LARGE1: variants seen among roughly 807,000 people sequenced by gnomAD.
The protein encoded by LARGE1 is LARGE xylosyl- and glucuronyltransferase 1.
LARGE1 carries 43 observed loss-of-function variants against 87.6 expected under a neutral mutation model. The ratio of observed to expected loss-of-function variants is 0.49; its 90% CI spans 0.38 to 0.63. The LOEUF (loss-of-function observed/expected upper bound fraction) is 0.63, where lower values mean the gene tolerates loss of function less well. Among genes scored for constraint, LARGE1 ranks in the 30% least tolerant of loss-of-function variants. The pLI, the probability that LARGE1 is intolerant of heterozygous loss-of-function variation, is 0.00. For missense variants in LARGE1, 802 were observed against 1,000.2 expected (o/e 0.80, Z 2.67); for synonymous variants, 434 against 394.6 (o/e 1.10, Z -1.18).
At chr22:33,523,902 T>A (rs1308821505) in intron 6 of LARGE1, among the ~76,000 whole-genome samples, 1 of 152,182 alleles carries the variant, frequency 6.6e-6, no homozygotes, top group Non-Finnish European at 1.5e-5. Flanking sequence ...TATAGTTCTA[T>A]GCCATTTTAT....
chr22:33,634,678 A>AATAATT (rs1366743471), intron 3 of LARGE1, among the ~76,000 whole-genome samples: 1 of 130,188 alleles, frequency 7.7e-6, no homozygotes, highest in Admixed American at 6.9e-5. Flanking sequence ...ATTTCAAAAT[A>AATAATT]ATAATAATAA....
In LARGE1 at chr22:33,404,107, A is replaced by G. The variant is rs78334631; in HGVS notation, c.893-19803T>C. Among the ~76,000 whole-genome samples, 54 of 152,344 alleles carry G rather than the reference A, an allele frequency of 3.5e-4. No individual in the cohort carries two copies. In the East Asian group the frequency reaches 0.01, roughly 29 times the overall value. On this transcript the variant is annotated intron_variant, in intron 7 of 14. Coordinates refer to ENST00000397394, the MANE Select transcript of LARGE1 (RefSeq NM_133642.5). Reference sequence around the variant, plus strand: ...TTAAACATATAGTCTATTGTATGATAAGAACAAAGCAGGGAGGGGAGATAA... The same window carrying G: ...TTAAACATATAGTCTATTGTATGATGAGAACAAAGCAGGGAGGGGAGATAA...
chr22:33,148,317 A>T, the LARGE1 span, among the ~76,000 whole-genome samples: 2 of 152,244 alleles, frequency 1.3e-5, no homozygotes, highest in South Asian at 2.1e-4. Context: ...TGTATTATAA[A>T]TGGAATACTA....
intron 11 of LARGE1, among the ~76,000 whole-genome samples, chr22:33,172,628 T>C (rs1003567280): frequency 7.2e-5 from 11 of 152,154 alleles, no homozygotes; most frequent in Middle Eastern, 3.2e-3. Flanking sequence ...CTAATTACTC[T>C]AGTATATTTC....
intron 1 of LARGE1, among the ~76,000 whole-genome samples, chr22:33,799,978 A>T (rs2086109058): frequency 6.6e-6 from 1 of 152,206 alleles, no homozygotes; most frequent in Non-Finnish European, 1.5e-5. Flanking sequence ...AATAGGGAAG[A>T]AGAAGATCCT....
chr22:33,351,656 C>T (rs866214126), intron 9 of LARGE1, among the ~76,000 whole-genome samples: 1 of 151,996 alleles, frequency 6.6e-6, no homozygotes, highest in Non-Finnish European at 1.5e-5. Context: ...ACTACTACCC[C>T]CTTTGCGAGG....
intron 2 of LARGE1, among the ~76,000 whole-genome samples, chr22:33,675,342 A>AAG (rs1001645072): frequency 6.7e-6 from 1 of 149,664 alleles, no homozygotes; most frequent in African/African-American, 2.5e-5. Flanking sequence ...GAACCTGACC[A>AAG]AGACTGGTTC....
intron 5 of LARGE1, 68 bp from the exon 6 acceptor site, chr22:33,565,087 T>G: frequency 1.4e-6 from 2 of 1,393,468 alleles, no homozygotes; most frequent in Non-Finnish European, 2.0e-6. Flanking sequence ...ATTCTTTGCT[T>G]AAACATTATA....
intron 1 of LARGE1, among the ~76,000 whole-genome samples, chr22:33,914,985 T>C (rs948904344): frequency 1.4e-5 from 2 of 144,906 alleles, no homozygotes; most frequent in African/African-American, 5.1e-5. Context: ...GGATGGATGA[T>C]AGAGACAAGA....
chr22:33,739,927 G>A (rs993461587), intron 2 of LARGE1, among the ~76,000 whole-genome samples: 2 of 152,208 alleles, frequency 1.3e-5, no homozygotes, highest in Non-Finnish European at 2.9e-5. Context: ...AATGTAGAAA[G>A]ACACAGCTGA....
intron 9 of LARGE1, among the ~76,000 whole-genome samples, chr22:33,381,695 C>T (rs1349857677): frequency 6.6e-6 from 1 of 152,116 alleles, no homozygotes. Flanking sequence ...AATAACCACA[C>T]AAGCTGGTTC....
chr22:33,099,746 A>T, the LARGE1 span, among the ~76,000 whole-genome samples: 1 of 151,216 alleles, frequency 6.6e-6, no homozygotes, highest in East Asian at 2.1e-4. Flanking sequence ...ATGTAAGCAT[A>T]GGAAAATGCA....
At chr22:33,359,257 C>T (rs938867246) in intron 9 of LARGE1, among the ~76,000 whole-genome samples, 5 of 152,136 alleles carry the variant, frequency 3.3e-5, no homozygotes, top group Non-Finnish European at 5.9e-5. Context: ...TGGAATCAGA[C>T]AGATGTGAGT....
intron 1 of LARGE1, among the ~76,000 whole-genome samples, chr22:33,784,487 T>G (rs2085533277): frequency 6.6e-6 from 1 of 152,198 alleles, no homozygotes; most frequent in Non-Finnish European, 1.5e-5. Context: ...ACTAAAGAAC[T>G]ACTAACTTCT....
rs537797866 is a variant in LARGE1 at position 33,651,911 on chromosome 22, T to C, written c.107-1243A>G. The stretch of plus-strand genomic sequence containing the variant: ...AGGCACGGCCGCGTGTGGTGGCTCA[T>C]GCCTGTAATCCCAGCATTTTGGGAG... On this transcript the variant is annotated intron_variant, in intron 2 of 14. Transcript: ENST00000397394. 3.3e-5 allele frequency among the ~76,000 whole-genome samples: 5 copies of C among 152,138 alleles called. No individual in the cohort carries two copies. In the East Asian group the frequency reaches 9.7e-4, roughly 29 times the overall value.
intron 7 of LARGE1, among the ~76,000 whole-genome samples, chr22:33,385,527 C>CAAAAAAAA (rs75780176): frequency 5.1e-5 from 1 of 19,434 alleles, no homozygotes. Context: ...GACACCGTCT[C>CAAAAAAAA]AAAAAAAAAA....
At chr22:33,640,849 C>T (rs994167070) in intron 3 of LARGE1, among the ~76,000 whole-genome samples, 2 of 152,184 alleles carry the variant, frequency 1.3e-5, no homozygotes, top group Admixed American at 6.5e-5. Flanking sequence ...GCACCTGGGG[C>T]CAGACTGTCT....
At chr22:33,895,980 G>A (rs146279506) in intron 1 of LARGE1, among the ~76,000 whole-genome samples, 108 of 152,222 alleles carry the variant, frequency 7.1e-4, no homozygotes, top group African/African-American at 2.6e-3. Context: ...GAACAGTTTG[G>A]TAGAATCACA....
At chr22:33,544,372 A>G (rs919558901) in intron 6 of LARGE1, among the ~76,000 whole-genome samples, 3 of 152,168 alleles carry the variant, frequency 2.0e-5, no homozygotes, top group Non-Finnish European at 4.4e-5. Flanking sequence ...GCCTCATCAC[A>G]GTTTAGCAAA....
Sources: allele counts gnomAD v4.1 joint callset (sites outside exome capture counted in the v4.1 genomes callset), GRCh38; gene constraint gnomAD v4.1.1; transcripts MANE v1.5; gene names NCBI Gene and HGNC (gene_info 2026-07-23, HGNC 2026-07-21).